SLC7A6: variants seen among roughly 807,000 people sequenced by gnomAD.
SLC7A6 encodes the protein Y+L amino acid transporter 2.
In SLC7A6, 29 loss-of-function variants were observed where a neutral mutation model predicts 46.6. The ratio of observed to expected loss-of-function variants is 0.62; its 90% CI spans 0.46 to 0.85. SLC7A6 has a LOEUF of 0.85. SLC7A6 is among the 40% of genes least tolerant of loss of function. The probability of loss-of-function intolerance (pLI) is 0.00; values close to 1 mark genes in which losing one functional copy is unlikely to be tolerated. For missense variants in SLC7A6, 527 were observed against 647.6 expected (o/e 0.81, Z 2.02); for synonymous variants, 276 against 257.3 (o/e 1.07, Z -0.70).
intron 3 of SLC7A6, among the ~76,000 whole-genome samples, chr16:68,275,496 G>A (rs1443421672): frequency 6.6e-6 from 1 of 151,028 alleles, no homozygotes; most frequent in Non-Finnish European, 1.5e-5. Flanking sequence ...TCGGGAGGCT[G>A]AGGCAGGAGA....
chr16:68,273,616 G>T (rs537652762), intron 2 of SLC7A6, among the ~76,000 whole-genome samples: 2 of 152,254 alleles, frequency 1.3e-5, no homozygotes, highest in African/African-American at 4.8e-5. Context: ...TGGCAAATTA[G>T]CCCTGGGTTG....
Position 68,301,323 on chromosome 16 carries a change from C to T in SLC7A6, c.*3995C>T, listed in dbSNP as rs774191896. ...GGCTGTCATAGCCGAACTCCTTCTG[C>T]ACATCCAGAGGGTACTTGCTCCACA... On this transcript the variant is annotated 3_prime_UTR_variant, in exon 11 of 11. Coordinates refer to ENST00000219343, the MANE Select transcript of SLC7A6 (RefSeq NM_003983.6). The T allele has an allele frequency of 5.0e-6, 8 of 1,614,030 alleles. No homozygotes were observed. Among genetic ancestry groups the T allele is most frequent in the Non-Finnish European group, 6.8e-6 (8 of 1,180,020 alleles).
intron 2 of SLC7A6, among the ~76,000 whole-genome samples, chr16:68,271,005 G>T (rs1381566721): frequency 6.6e-6 from 1 of 151,800 alleles, no homozygotes; most frequent in African/African-American, 2.4e-5. Flanking sequence ...ATGTGCCACC[G>T]TGCCTGGCTA....
intron 7 of SLC7A6, 21 bp from the exon 8 acceptor site, chr16:68,294,684 A>T: frequency 6.5e-7 from 1 of 1,543,202 alleles, no homozygotes; most frequent in Non-Finnish European, 9.0e-7. Flanking sequence ...GATCCTGCTG[A>T]CACATTTCTC....
At chr16:68,267,206 ATTTT>A (rs1189220005) in intron 2 of SLC7A6, among the ~76,000 whole-genome samples, 2 of 87,666 alleles carry the variant, frequency 2.3e-5, no homozygotes, top group African/African-American at 9.1e-5. Context: ...ATTGTGGTGG[ATTTT>A]TTTTTTTTTT....
intron 7 of SLC7A6, among the ~76,000 whole-genome samples, chr16:68,293,143 G>A (rs929672957): frequency 5.9e-5 from 9 of 152,168 alleles, no homozygotes; most frequent in East Asian, 1.9e-4. Context: ...CCAGCTGGGC[G>A]TGGGGCTCAC....
intron 3 of SLC7A6, among the ~76,000 whole-genome samples, chr16:68,279,005 A>C (rs1228277909): frequency 6.6e-6 from 1 of 152,020 alleles, no homozygotes; most frequent in African/African-American, 2.4e-5. Context: ...TCCCTCCTGG[A>C]TGGGGCGGCT....
chr16:68,281,579 G>A (rs1433096030), intron 3 of SLC7A6, among the ~76,000 whole-genome samples: 1 of 152,220 alleles, frequency 6.6e-6, no homozygotes, highest in African/African-American at 2.4e-5. Flanking sequence ...GCTGCTGACT[G>A]AACTCAGTAA....
In SLC7A6 at chr16:68,274,752, C is replaced by T. The variant is rs1225736553; in HGVS notation, c.26C>T (p.Pro9Leu). Residue 9 changes from proline to leucine, a missense_variant, in exon 3 of 11, where the codon CCC becomes CTC. Pro to Leu is a moderately conservative substitution (Grantham distance 98). Transcript: ENST00000219343. ...ATGGAAGCCAGGGAGCCTGGGAGGC[C>T]CACACCCACCTACCATCTTGTCCCT... MEAREPGR[P>L]TPTYHLVPNT... is the part of the protein sequence containing the mutation. 1.2e-6 allele frequency: 2 copies of T among 1,614,036 alleles called. No individual in the cohort carries two copies. The highest frequency in any genetic ancestry group is 4.5e-5 in the East Asian group (2 of 44,892).
At chr16:68,283,778 A>G (rs1318387465) in intron 3 of SLC7A6, among the ~76,000 whole-genome samples, 1 of 152,228 alleles carries the variant, frequency 6.6e-6, no homozygotes. Flanking sequence ...CAAGGAAATG[A>G]GATCAGGAGA....
chr16:68,290,566 C>A, intron 5 of SLC7A6, 26 bp downstream of exon 5: 1 of 1,613,504 alleles, frequency 6.2e-7, no homozygotes, highest in African/African-American at 1.3e-5. Flanking sequence ...CACTCTCACT[C>A]CCCAGCTTGG....
chr16:68,269,730 C>T (rs937821798), intron 2 of SLC7A6, among the ~76,000 whole-genome samples: 1 of 145,356 alleles, frequency 6.9e-6, no homozygotes, highest in Non-Finnish European at 1.5e-5. Flanking sequence ...CTGCAGCCTG[C>T]GTGACAAAGC....
At chr16:68,284,069 G>A (rs1336915048) in intron 3 of SLC7A6, among the ~76,000 whole-genome samples, 1 of 152,012 alleles carries the variant, frequency 6.6e-6, no homozygotes, top group Admixed American at 6.6e-5. Context: ...CGAGGTGCCT[G>A]GGGTCAGCGT....
At chr16:68,266,091 T>A (rs530117868) in intron 1 of SLC7A6, among the ~76,000 whole-genome samples, 41 of 152,056 alleles carry the variant, frequency 2.7e-4, no homozygotes, top group Non-Finnish European at 4.9e-4. Flanking sequence ...AAATCCCGTC[T>A]CTACTAAAAA....
At chr16:68,269,951 G>T (rs2042597926) in intron 2 of SLC7A6, among the ~76,000 whole-genome samples, 2 of 151,590 alleles carry the variant, frequency 1.3e-5, no homozygotes, top group African/African-American at 2.4e-5. Flanking sequence ...ATTTTTTTTT[G>T]TAGAGATGGG....
intron 4 of SLC7A6, among the ~76,000 whole-genome samples, chr16:68,288,856 TAGG>T (rs1567591819): frequency 6.8e-6 from 1 of 147,968 alleles, no homozygotes; most frequent in African/African-American, 2.5e-5. Flanking sequence ...CCCAGCTACT[TAGG>T]AGGCTGAGGC....
At chr16:68,277,533 G>A (rs963892340) in intron 3 of SLC7A6, among the ~76,000 whole-genome samples, 2 of 151,768 alleles carry the variant, frequency 1.3e-5, no homozygotes, top group South Asian at 2.1e-4. Context: ...GGATGGTCTC[G>A]ATGTCCTGAC....
intron 3 of SLC7A6, 57 bp from the exon 4 acceptor site, chr16:68,287,689 T>C (rs1596997291): frequency 3.1e-6 from 5 of 1,590,532 alleles, no homozygotes; most frequent in Admixed American, 1.7e-5. Context: ...TAAAGAGGGG[T>C]TGGGCCCCTG....
Position 68,296,677 on chromosome 16 carries a change from G to A in SLC7A6, c.1320G>A (p.Val440=). Residue 440 remains valine, a synonymous_variant, in exon 10 of 11, where the codon GTG becomes GTA. Transcript: ENST00000219343. Reference sequence around the variant, plus strand: ...TCTGCATATGCTCCGTGTTTCTGGTGATAGTGCCCCTCTTCACTGACACCA... The same window carrying A: ...TCTGCATATGCTCCGTGTTTCTGGTAATAGTGCCCCTCTTCACTGACACCA... The part of the protein sequence containing the change: ...IVFCICSVFL[V]IVPLFTDTIN... 6.2e-7 allele frequency: 1 copy of A among 1,614,206 alleles called. No individual in the cohort carries two copies. The highest frequency in any genetic ancestry group is 8.5e-7 in the Non-Finnish European group (1 of 1,180,038).
Sources: allele counts gnomAD v4.1 joint callset (sites outside exome capture counted in the v4.1 genomes callset), GRCh38; gene constraint gnomAD v4.1.1; transcripts MANE v1.5; gene names NCBI Gene and HGNC (gene_info 2026-07-23, HGNC 2026-07-21).